VRK2: variants seen among roughly 807,000 people sequenced by gnomAD.
The protein encoded by VRK2 is VRK serine/threonine kinase 2.
In VRK2, 60 loss-of-function variants were observed where a neutral mutation model predicts 57.6. The ratio of observed to expected loss-of-function variants is 1.04; its 90% CI spans 0.85 to 1.29. The LOEUF is 1.29. Among genes scored for constraint, VRK2 ranks in the 50% most tolerant of loss-of-function variants. The probability of loss-of-function intolerance (pLI) is 0.00; values close to 1 mark genes in which losing one functional copy is unlikely to be tolerated. For synonymous variants in VRK2, 231 were observed against 199.2 expected (o/e 1.16, Z -1.35); for missense variants, 705 against 588.1 (o/e 1.20, Z -2.06).
intron 1 of VRK2, chr2:58,047,110 C>T (rs529092454): frequency 1.9e-4 from 89 of 478,692 alleles, no homozygotes; most frequent in African/African-American, 1.8e-3. Flanking sequence ...AAAAGCGGGT[C>T]CGACGTGTTA....
intron 1 of VRK2, among the ~76,000 whole-genome samples, chr2:57,935,570 C>T (rs556971945): frequency 1.3e-5 from 2 of 152,088 alleles, no homozygotes; most frequent in African/African-American, 2.4e-5. Flanking sequence ...GGGGGTGTCC[C>T]TTGTGGGTCC....
intron 1 of VRK2, among the ~76,000 whole-genome samples, chr2:58,009,386 G>A (rs1387418721): frequency 6.6e-6 from 1 of 151,708 alleles, no homozygotes; most frequent in African/African-American, 2.4e-5. Flanking sequence ...TTTCTTGTCT[G>A]TGAACCACTT....
chr2:58,138,190 A>G (rs1353251550), intron 10 of VRK2, among the ~76,000 whole-genome samples: 2 of 152,228 alleles, frequency 1.3e-5, no homozygotes, highest in African/African-American at 4.8e-5. Context: ...ACAGGACCAT[A>G]AAACAAAAAT....
intron 1 of VRK2, among the ~76,000 whole-genome samples, chr2:57,974,912 CATA>C (rs1162208849): frequency 6.6e-6 from 1 of 151,580 alleles, no homozygotes; most frequent in Non-Finnish European, 1.5e-5. Flanking sequence ...TTAAAAATTA[CATA>C]ATAATAATGA....
intron 1 of VRK2, among the ~76,000 whole-genome samples, chr2:57,936,995 G>C (rs1443782219): frequency 6.6e-6 from 1 of 152,160 alleles, no homozygotes; most frequent in Non-Finnish European, 1.5e-5. Context: ...TTCCCCAGCA[G>C]GATTCCCAGA....
At chr2:58,061,406 A>T (rs2103895760) in intron 2 of VRK2, among the ~76,000 whole-genome samples, 1 of 152,114 alleles carries the variant, frequency 6.6e-6, no homozygotes, top group Non-Finnish European at 1.5e-5. Flanking sequence ...AATAACAATT[A>T]TATACATTAG....
At chr2:58,028,093 C>T (rs1380438082) in intron 2 of VRK2, among the ~76,000 whole-genome samples, 1 of 152,136 alleles carries the variant, frequency 6.6e-6, no homozygotes, top group Non-Finnish European at 1.5e-5. Flanking sequence ...GGTCTTTAAT[C>T]TAGATGGAAA....
chr2:58,018,994 A>G (rs2103666840), intron 1 of VRK2, among the ~76,000 whole-genome samples: 1 of 152,308 alleles, frequency 6.6e-6, no homozygotes, highest in South Asian at 2.1e-4. Context: ...TATTCCCTGA[A>G]TATGCTTATC....
intron 7 of VRK2, among the ~76,000 whole-genome samples, chr2:58,093,568 T>A (rs1359083998): frequency 6.6e-6 from 1 of 152,244 alleles, no homozygotes; most frequent in African/African-American, 2.4e-5. Flanking sequence ...ATATTAGTCC[T>A]TTGTCAGATG....
At chr2:57,931,836 T>C (rs75845175) in intron 1 of VRK2, among the ~76,000 whole-genome samples, 1,744 of 151,936 alleles carry the variant, frequency 0.011, 10 homozygotes, top group Middle Eastern at 0.031. Flanking sequence ...TTTTGGTATA[T>C]GTATATTCAG....
At chr2:57,908,121 CAA>C (rs1466726738) in intron 1 of VRK2, among the ~76,000 whole-genome samples, 1 of 152,034 alleles carries the variant, frequency 6.6e-6, no homozygotes, top group Non-Finnish European at 1.5e-5. Context: ...AGGAAGAATC[CAA>C]AATCAGAAAC....
chr2:57,945,133 T>C (rs1392191130), intron 1 of VRK2, among the ~76,000 whole-genome samples: 1 of 152,158 alleles, frequency 6.6e-6, no homozygotes, highest in African/African-American at 2.4e-5. Flanking sequence ...AATTCACATA[T>C]AAAATTTCCA....
intron 1 of VRK2, among the ~76,000 whole-genome samples, chr2:57,926,474 GTATA>G (rs200944615): frequency 0.015 from 2,154 of 145,614 alleles, 27 homozygotes; most frequent in Non-Finnish European, 0.022. Flanking sequence ...TGTGTATAGT[GTATA>G]TATATACAAT....
intron 2 of VRK2, among the ~76,000 whole-genome samples, chr2:58,066,215 A>C (rs1020529882): frequency 2.6e-5 from 4 of 152,190 alleles, no homozygotes; most frequent in Admixed American, 2.6e-4. Context: ...GCTTCTCACT[A>C]TTCAGTGTGA....
At chr2:57,923,457 G>T (rs1670422476) in intron 1 of VRK2, among the ~76,000 whole-genome samples, 2 of 150,774 alleles carry the variant, frequency 1.3e-5, no homozygotes, top group African/African-American at 4.9e-5. Context: ...TTGTAGCTTT[G>T]ATTTGCATTT....
chr2:58,154,625 AT>A, intron 12 of VRK2: 2 of 638,264 alleles, frequency 3.1e-6, no homozygotes, highest in Non-Finnish European at 5.7e-6. Context: ...GGTTCAATGT[AT>A]TTTTTAATTT....
chr2:58,137,009 T>C (rs1573334556), intron 10 of VRK2, among the ~76,000 whole-genome samples: 1 of 126,838 alleles, frequency 7.9e-6, no homozygotes. Context: ...TCATATATAT[T>C]ATATATATCT....
At chr2:58,122,800 A>G (rs578119280) in intron 7 of VRK2, among the ~76,000 whole-genome samples, 67 of 152,336 alleles carry the variant, frequency 4.4e-4, no homozygotes, top group African/African-American at 1.5e-3. Context: ...AAAAAGACAT[A>G]TTGTGGTTTA....
chr2:58,055,762 G>A (rs936676033), intron 2 of VRK2, among the ~76,000 whole-genome samples: 16 of 152,122 alleles, frequency 1.1e-4, no homozygotes, highest in African/African-American at 3.4e-4. Flanking sequence ...GTATAAAGGA[G>A]ATGAAGGGAA....
Sources: allele counts gnomAD v4.1 joint callset (sites outside exome capture counted in the v4.1 genomes callset), GRCh38; gene constraint gnomAD v4.1.1; transcripts MANE v1.5; gene names NCBI Gene and HGNC (gene_info 2026-07-23, HGNC 2026-07-21).